The following UGT1A8 variants were observed in gnomAD, a reference collection of about 807,000 sequenced individuals.
The protein encoded by UGT1A8 is UDP-glucuronosyltransferase 1A8.
A neutral mutation model predicts 45.3 loss-of-function variants in UGT1A8; 39 were observed. That is an observed-to-expected ratio of 0.86 (90% CI 0.67 to 1.12). UGT1A8 has a LOEUF of 1.12. Among genes scored for constraint, UGT1A8 ranks in the 50% most tolerant of loss-of-function variants. The pLI is 0.00. For synonymous variants in UGT1A8, 275 were observed against 249.2 expected (o/e 1.10, Z -0.97); for missense variants, 719 against 664.9 (o/e 1.08, Z -0.90).
intron 1 of UGT1A8, among the ~76,000 whole-genome samples, chr2:233,636,223 G>C (rs2073286602): frequency 6.8e-6 from 1 of 146,116 alleles, no homozygotes; most frequent in South Asian, 2.1e-4. Context: ...AATCTTCAAG[G>C]TCCAAAAGCA....
At chr2:233,674,063 C>T (rs944604796) in intron 1 of UGT1A8, among the ~76,000 whole-genome samples, 2 of 152,110 alleles carry the variant, frequency 1.3e-5, no homozygotes, top group African/African-American at 4.8e-5. Flanking sequence ...CCAGATTAAA[C>T]ACCTAATGTC....
chr2:233,747,249 G>A (rs1310551227), intron 1 of UGT1A8: 19 of 1,600,704 alleles, frequency 1.2e-5, no homozygotes, highest in Non-Finnish European at 1.6e-5. Flanking sequence ...TGCTGTGGCT[G>A]GCCACAGGAG....
At chr2:233,651,537 A>G (rs1326646016) in intron 1 of UGT1A8, among the ~76,000 whole-genome samples, 1 of 152,180 alleles carries the variant, frequency 6.6e-6, no homozygotes, top group East Asian at 1.9e-4. Context: ...AAGGAAGGAA[A>G]ATTCTCAAAG....
chr2:233,719,347 T>C, intron 1 of UGT1A8: 1 of 1,613,896 alleles, frequency 6.2e-7, no homozygotes, highest in Non-Finnish European at 8.5e-7. Flanking sequence ...TGGAGGTACA[T>C]TCCATGTGAC....
At chr2:233,672,824 T>G (rs1331719438) in intron 1 of UGT1A8, 1 of 1,575,234 alleles carries the variant, frequency 6.3e-7, no homozygotes, top group South Asian at 1.2e-5. Flanking sequence ...TTAAGAATAC[T>G]TCACCTTTGG....
intron 1 of UGT1A8, among the ~76,000 whole-genome samples, chr2:233,652,148 G>A (rs1188269268): frequency 2.0e-5 from 3 of 152,208 alleles, no homozygotes; most frequent in Non-Finnish European, 1.5e-5. Context: ...TGACTGCACA[G>A]CAAGAAAAGA....
intron 1 of UGT1A8, among the ~76,000 whole-genome samples, chr2:233,757,218 C>G (rs1037156819): frequency 2.0e-5 from 3 of 149,068 alleles, no homozygotes; most frequent in African/African-American, 7.5e-5. Context: ...AAGCTGCTGA[C>G]CAAGGTTCCA....
At chr2:233,709,811 T>C (rs1202095229) in intron 1 of UGT1A8, among the ~76,000 whole-genome samples, 2 of 152,254 alleles carry the variant, frequency 1.3e-5, no homozygotes, top group Admixed American at 6.5e-5. Context: ...TTCTGAGTTG[T>C]AATGATTTTA....
chr2:233,771,639 T>G (rs1180975336), intron 4 of UGT1A8: 1 of 152,344 alleles, frequency 6.6e-6, no homozygotes, highest in African/African-American at 2.4e-5. Flanking sequence ...TTTATTTTAC[T>G]GTATGAAAAT....
chr2:233,734,953 A>G (rs2078590545), intron 1 of UGT1A8, among the ~76,000 whole-genome samples: 1 of 152,320 alleles, frequency 6.6e-6, no homozygotes, highest in African/African-American at 2.4e-5. Context: ...CAGTTTTAGA[A>G]TAAGTGTGAT....
chr2:233,693,721 A>G (rs747606034), intron 1 of UGT1A8: 3 of 1,614,178 alleles, frequency 1.9e-6, no homozygotes, highest in Non-Finnish European at 2.5e-6. Context: ...TCCTCAAGAG[A>G]GATGTGGATA....
At position 233,617,859 on chromosome 2, in the gene UGT1A8, G is replaced by A. The variant is rs374078976; in HGVS notation, c.152G>A (p.Arg51Lys). 5 of 1,614,086 alleles carry A rather than the reference G, an allele frequency of 3.1e-6. No homozygotes were observed. The South Asian group carries it at 3.3e-5, about 11-fold the overall frequency. Residue 51 changes from arginine (R) to lysine (K), a missense_variant, in exon 1 of 5, where the codon AGG becomes AAG. Arg to Lys is a conservative substitution (Grantham distance 26). Transcript: ENST00000373450. ...MQSVVEKLIL[R>K]GHEVVVVMPE... is the part of the protein sequence containing the mutation. ...TCGGTGGTGGAGAAACTTATCCTCA[G>A]GGGGCATGAGGTGGTTGTAGTCATG...
At position 233,713,775 on chromosome 2, in the gene UGT1A8, G is replaced by A. The variant is rs2076345614; in HGVS notation, c.856-53259G>A. 1 of 1,614,026 alleles carries A rather than the reference G, an allele frequency of 6.2e-7. No homozygotes were observed. Among genetic ancestry groups the A allele is most frequent in the South Asian group, 1.1e-5 (1 of 91,070 alleles). On this transcript the variant is annotated intron_variant, in intron 1 of 4. Coordinates refer to ENST00000373450, the MANE Select transcript of UGT1A8 (RefSeq NM_019076.5). ...TGTGTGGCTGTTCCGAGGGGACTTT[G>A]TGATGGATTACCCCAGGCCGATCAT...
At chr2:233,631,366 G>T (rs938447144) in intron 1 of UGT1A8, among the ~76,000 whole-genome samples, 1 of 152,222 alleles carries the variant, frequency 6.6e-6, no homozygotes, top group East Asian at 1.9e-4. Flanking sequence ...TAATGGGATT[G>T]CTGGGTCAAA....
At chr2:233,761,518 T>C (rs780967719) in intron 1 of UGT1A8, among the ~76,000 whole-genome samples, 1 of 152,242 alleles carries the variant, frequency 6.6e-6, no homozygotes, top group African/African-American at 2.4e-5. Context: ...GCAGGCAATG[T>C]TCAGGACTGA....
At chr2:233,722,921 C>G (rs1255779754) in intron 1 of UGT1A8, among the ~76,000 whole-genome samples, 1 of 128,932 alleles carries the variant, frequency 7.8e-6, no homozygotes, top group African/African-American at 2.9e-5. Flanking sequence ...GGTCTTCATC[C>G]TCATTGTCTC....
At chr2:233,628,382 T>C (rs1473913791) in intron 1 of UGT1A8, among the ~76,000 whole-genome samples, 5 of 152,050 alleles carry the variant, frequency 3.3e-5, no homozygotes, top group African/African-American at 1.2e-4. Context: ...TTTAAAAATC[T>C]GCATATAAGT....
At position 233,729,693 on chromosome 2, in the gene UGT1A8, C is replaced by T. The variant is rs45474199; in HGVS notation, c.856-37341C>T. On this transcript the variant is annotated intron_variant, in intron 1 of 4. Coordinates refer to ENST00000373450, the MANE Select transcript of UGT1A8 (RefSeq NM_019076.5). ...ACTTTAAGGGCACACAGTGTCCAAA[C>T]CCTTCCTCCTATATTCCTAGATTAC... 1,325 of 1,613,958 alleles carry T rather than the reference C, an allele frequency of 8.2e-4. 6 individuals carry two copies. Among genetic ancestry groups the T allele is most frequent in the South Asian group, 5.6e-3 (506 of 91,066 alleles).
rs1378719949 is a variant in UGT1A8, at chr2:233,755,434, G to A, written c.856-11600G>A. 1.3e-5 allele frequency: 4 copies of A among 316,454 alleles called. No homozygotes were observed. In the East Asian group the frequency reaches 3.3e-4, roughly 26 times the overall value. The allele number at this position is 316,454 out of a possible 1,614,324, so 19.6% of individuals were successfully genotyped here. A position where few individuals can be genotyped will look rare whatever the true frequency, so the allele number is the denominator to read the frequency against. ...GGCCTGTGAGCGCCTCGCATCCCAA[G>A]ATGCAGTGCTCCTGGGACTGGCCCT... On this transcript the variant is annotated intron_variant, in intron 1 of 4. Coordinates refer to ENST00000373450, the MANE Select transcript of UGT1A8 (RefSeq NM_019076.5).
Sources: allele counts gnomAD v4.1 joint callset (sites outside exome capture counted in the v4.1 genomes callset), GRCh38; gene constraint gnomAD v4.1.1; transcripts MANE v1.5; gene names NCBI Gene and HGNC (gene_info 2026-07-23, HGNC 2026-07-21).